Variants in GRIK4 observed in about 807,000 individuals in gnomAD.
The protein encoded by GRIK4 is glutamate receptor ionotropic, kainate 4.
In GRIK4, 40 loss-of-function variants were observed where a neutral mutation model predicts 104.9. That is an observed-to-expected ratio of 0.38 (90% CI 0.30 to 0.50). GRIK4 has a LOEUF of 0.50. GRIK4 is among the 20% of genes least tolerant of loss of function. The probability of loss-of-function intolerance (pLI) is 0.93; values close to 1 mark genes in which losing one functional copy is unlikely to be tolerated. For synonymous variants in GRIK4, 485 were observed against 524.9 expected (o/e 0.92, Z 1.04); for missense variants, 1,047 against 1,308.1 (o/e 0.80, Z 3.08).
rs79526501 is a variant in GRIK4, at chr11:120,575,721, C to G, written c.-159+63834C>G. On this transcript the variant is annotated intron_variant, in intron 1 of 20. Coordinates refer to ENST00000527524, the MANE Select transcript of GRIK4 (RefSeq NM_014619.5). ...TGGGCGTCCCTACAGATGTTGGCGG[C>G]CCCCTCCTCTCTTCTCCTTGTGCTT... is the stretch of plus-strand genomic sequence containing the variant. 2,047 of 152,240 alleles carry G rather than the reference C, an allele frequency of 0.013. 101 individuals are homozygous for G. The East Asian group carries it at 0.15, about 11-fold the overall frequency. 9.4% of individuals were successfully genotyped at this position (152,240 alleles called of 1,614,324 possible).
At chr11:120,618,482 T>C (rs1384201930) in intron 1 of GRIK4, among the ~76,000 whole-genome samples, 1 of 152,108 alleles carries the variant, frequency 6.6e-6, no homozygotes, top group Non-Finnish European at 1.5e-5. Context: ...CAAATTTGCA[T>C]AAGTAAAAAG....
intron 3 of GRIK4, among the ~76,000 whole-genome samples, chr11:120,761,928 A>G (rs1285624274): frequency 6.6e-6 from 1 of 152,142 alleles, no homozygotes; most frequent in Non-Finnish European, 1.5e-5. Context: ...CCTTGGCTAT[A>G]CGGACTCTTT....
intron 11 of GRIK4, among the ~76,000 whole-genome samples, chr11:120,879,531 G>C (rs996274770): frequency 2.6e-5 from 4 of 152,214 alleles, no homozygotes; most frequent in African/African-American, 9.6e-5. Flanking sequence ...TTTAAAAATA[G>C]TCTATCAGAA....
chr11:120,587,216 G>C (rs891150340), intron 1 of GRIK4, among the ~76,000 whole-genome samples: 3 of 152,094 alleles, frequency 2.0e-5, no homozygotes, highest in African/African-American at 7.2e-5. Context: ...ATGATATAAG[G>C]GGAACTGGAA....
intron 1 of GRIK4, among the ~76,000 whole-genome samples, chr11:120,577,575 ATTTAAT>A (rs1948501971): frequency 6.6e-6 from 1 of 152,102 alleles, no homozygotes; most frequent in Non-Finnish European, 1.5e-5. Context: ...GATCATTAAG[ATTTAAT>A]GGGACATTTC....
intron 9 of GRIK4, chr11:120,872,787 C>G: frequency 5.5e-6 from 1 of 182,982 alleles, no homozygotes; most frequent in Non-Finnish European, 1.2e-5. Context: ...TTGCCAGGGA[C>G]CCCGCATACA....
intron 3 of GRIK4, among the ~76,000 whole-genome samples, chr11:120,672,564 A>G (rs1950037560): frequency 6.6e-6 from 1 of 152,210 alleles, no homozygotes; most frequent in East Asian, 1.9e-4. Flanking sequence ...CCTATCCATG[A>G]GCATGGAATG....
intron 1 of GRIK4, among the ~76,000 whole-genome samples, chr11:120,624,492 C>G (rs1443091606): frequency 6.6e-6 from 1 of 152,100 alleles, no homozygotes; most frequent in Non-Finnish European, 1.5e-5. Flanking sequence ...CTCTGAGTAG[C>G]TGTAGGTGCT....
chr11:120,542,542 T>C (rs1335605183), intron 1 of GRIK4, among the ~76,000 whole-genome samples: 1 of 152,194 alleles, frequency 6.6e-6, no homozygotes, highest in African/African-American at 2.4e-5. Context: ...AGAAAATATT[T>C]GCAAGCCATA....
At chr11:120,702,229 C>T (rs1273222153) in intron 3 of GRIK4, among the ~76,000 whole-genome samples, 1 of 152,100 alleles carries the variant, frequency 6.6e-6, no homozygotes, top group South Asian at 2.1e-4. Context: ...GCTGGGATTA[C>T]AGGCGTGAGC....
chr11:120,970,520 C>T (rs1944457565), intron 19 of GRIK4, among the ~76,000 whole-genome samples: 1 of 152,166 alleles, frequency 6.6e-6, no homozygotes, highest in Non-Finnish European at 1.5e-5. Flanking sequence ...TCCAGTTCCC[C>T]TTTTCCTCCC....
At chr11:120,724,739 T>C (rs1193105834) in intron 3 of GRIK4, among the ~76,000 whole-genome samples, 1 of 152,254 alleles carries the variant, frequency 6.6e-6, no homozygotes, top group African/African-American at 2.4e-5. Flanking sequence ...TTAGTATGCA[T>C]TGGATTTTCC....
chr11:120,706,846 C>T (rs1464263380), intron 3 of GRIK4, among the ~76,000 whole-genome samples: 3 of 152,148 alleles, frequency 2.0e-5, no homozygotes, highest in Non-Finnish European at 4.4e-5. Context: ...CAGATGCACA[C>T]TGCTTGGTGG....
At chr11:120,820,037 AG>A (rs1953069151) in intron 6 of GRIK4, 117 bp downstream of exon 6, 2 of 911,710 alleles carry the variant, frequency 2.2e-6, no homozygotes, top group South Asian at 3.0e-5. Context: ...TCAGATCCAC[AG>A]GGCTGATAAC....
chr11:120,751,974 C>T (rs969868188), intron 3 of GRIK4, among the ~76,000 whole-genome samples: 2 of 152,176 alleles, frequency 1.3e-5, no homozygotes, highest in Non-Finnish European at 2.9e-5. Context: ...TCTGAGGACC[C>T]TCTTCCAAGG....
At chr11:120,872,557 G>A (rs1954640153) in intron 9 of GRIK4, 1 of 153,140 alleles carries the variant, frequency 6.5e-6, no homozygotes, top group Admixed American at 6.5e-5. Context: ...GAGGAGGCTC[G>A]GAAGGGGCAA....
At chr11:120,562,354 T>C (rs925076331) in intron 1 of GRIK4, among the ~76,000 whole-genome samples, 1 of 152,234 alleles carries the variant, frequency 6.6e-6, no homozygotes, top group Non-Finnish European at 1.5e-5. Flanking sequence ...ACCCCGGCCT[T>C]GGCCCTAAGA....
At chr11:120,896,784 G>T (rs947995603) in intron 11 of GRIK4, among the ~76,000 whole-genome samples, 1 of 152,234 alleles carries the variant, frequency 6.6e-6, no homozygotes, top group South Asian at 2.1e-4. Context: ...CTGCGGAATA[G>T]AACCACATGG....
chr11:120,887,941 G>A (rs1955168062), intron 11 of GRIK4, among the ~76,000 whole-genome samples: 1 of 152,160 alleles, frequency 6.6e-6, no homozygotes, highest in Non-Finnish European at 1.5e-5. Flanking sequence ...AGGTGAAGGG[G>A]AGTGTGAGGA....
Sources: allele counts gnomAD v4.1 joint callset (sites outside exome capture counted in the v4.1 genomes callset), GRCh38; gene constraint gnomAD v4.1.1; transcripts MANE v1.5; gene names NCBI Gene and HGNC (gene_info 2026-07-23, HGNC 2026-07-21).